Variants in SBF2 observed in about 807,000 individuals in gnomAD.
SBF2 encodes the protein SET binding factor 2.
In SBF2, 112 loss-of-function variants were observed where a neutral mutation model predicts 225.2. The ratio of observed to expected loss-of-function variants is 0.50; its 90% CI spans 0.43 to 0.58. SBF2 has a LOEUF of 0.58. SBF2 is among the 20% of genes least tolerant of loss of function. The probability of loss-of-function intolerance (pLI) is 0.00; values close to 1 mark genes in which losing one functional copy is unlikely to be tolerated. For missense variants in SBF2, 1,996 were observed against 2,206.2 expected, an observed-to-expected ratio of 0.90 and a Z score of 1.91; for synonymous variants, 763 against 773.3, an observed-to-expected ratio of 0.99 and a Z score of 0.22.
At chr11:10,266,727 TG>T (rs1962030093) in intron 1 of SBF2, among the ~76,000 whole-genome samples, 1 of 152,190 alleles carries the variant, frequency 6.6e-6, no homozygotes. Context: ...AATTTTAACA[TG>T]AGGGATATGG....
At chr11:10,125,535 T>C (rs1340012852) in intron 2 of SBF2, among the ~76,000 whole-genome samples, 4 of 152,220 alleles carry the variant, frequency 2.6e-5, no homozygotes. Context: ...TGTGTGTCTG[T>C]CTGTCATATC....
intron 6 of SBF2, among the ~76,000 whole-genome samples, chr11:10,015,613 G>A (rs1471303825): frequency 6.6e-6 from 1 of 152,196 alleles, no homozygotes; most frequent in South Asian, 2.1e-4. Flanking sequence ...GACCCTTGAG[G>A]TAGATTTTGA....
At chr11:10,057,804 T>C (rs976097883) in intron 2 of SBF2, among the ~76,000 whole-genome samples, 4 of 152,044 alleles carry the variant, frequency 2.6e-5, no homozygotes, top group African/African-American at 9.7e-5. Context: ...TGAGGAAACA[T>C]AGGGAAGCCA....
chr11:10,031,568 G>A (rs541440192), intron 3 of SBF2, among the ~76,000 whole-genome samples: 12 of 152,250 alleles, frequency 7.9e-5, no homozygotes, highest in African/African-American at 2.9e-4. Flanking sequence ...AAAAGAAGAT[G>A]TTTTGCAAAT....
At chr11:9,855,767 T>C (rs1334516775) in intron 19 of SBF2, among the ~76,000 whole-genome samples, 1 of 152,238 alleles carries the variant, frequency 6.6e-6, no homozygotes, top group Non-Finnish European at 1.5e-5. Context: ...TCAGGAGGGC[T>C]TCTTGAGGCA....
chr11:9,982,714 T>C (rs1215855198), intron 13 of SBF2, among the ~76,000 whole-genome samples: 1 of 152,074 alleles, frequency 6.6e-6, no homozygotes. Flanking sequence ...CGGAAGGAAG[T>C]GAACTGCTCC....
intron 1 of SBF2, among the ~76,000 whole-genome samples, chr11:10,235,363 C>T (rs759158872): frequency 5.9e-5 from 9 of 152,076 alleles, no homozygotes; most frequent in Non-Finnish European, 1.0e-4. Flanking sequence ...GGAGAAACCC[C>T]GTCTCTACTA....
intron 2 of SBF2, among the ~76,000 whole-genome samples, chr11:10,060,456 A>T (rs1950396846): frequency 6.6e-6 from 1 of 152,228 alleles, no homozygotes; most frequent in East Asian, 1.9e-4. Flanking sequence ...AGGTGTACAA[A>T]GAAGAGCTAG....
At chr11:9,897,243 AT>A (rs113103052) in intron 16 of SBF2, among the ~76,000 whole-genome samples, 37 of 148,734 alleles carry the variant, frequency 2.5e-4, no homozygotes, top group African/African-American at 7.1e-4. Context: ...ATGTTAGATA[AT>A]TTTTTTTTTT....
In SBF2 at chr11:10,234,028, A is replaced by G. The variant is rs1958964371; in HGVS notation, c.56-40041T>C. Among the ~76,000 whole-genome samples the G allele has an allele frequency of 2.0e-5, 3 of 152,330 alleles. No individual in the cohort carries two copies. The South Asian group carries it at 6.2e-4, about 32-fold the overall frequency. ...TCAGCATCTTCTTCCCAAAGGACCT[A>G]ACAGATATAATGATTTAATACTGAC... On this transcript the variant is annotated intron_variant, in intron 1 of 39. Transcript: ENST00000256190.
intron 26 of SBF2, among the ~76,000 whole-genome samples, chr11:9,833,927 C>A (rs183132890): frequency 7.9e-5 from 12 of 151,354 alleles, no homozygotes; most frequent in Admixed American, 1.3e-4. Flanking sequence ...TGTGCCACCA[C>A]GCCTGGCTAA....
At chr11:10,007,220 G>T (rs536060160) in intron 6 of SBF2, among the ~76,000 whole-genome samples, 82 of 152,136 alleles carry the variant, frequency 5.4e-4, no homozygotes, top group Non-Finnish European at 6.9e-4. Context: ...ACAAATAGGG[G>T]ATGCCCTATT....
intron 2 of SBF2, among the ~76,000 whole-genome samples, chr11:10,131,226 A>T (rs983586614): frequency 6.9e-4 from 99 of 144,336 alleles, no homozygotes; most frequent in Middle Eastern, 3.6e-3. Context: ...ATTGCCACTA[A>T]TTTTTTTTTT....
At chr11:10,234,462 A>C (rs1958982056) in intron 1 of SBF2, among the ~76,000 whole-genome samples, 1 of 152,122 alleles carries the variant, frequency 6.6e-6, no homozygotes, top group African/African-American at 2.4e-5. Context: ...AATTTTTTTA[A>C]TGTTAGCTTG....
intron 1 of SBF2, among the ~76,000 whole-genome samples, chr11:10,198,638 A>T (rs1010987876): frequency 6.6e-6 from 1 of 152,242 alleles, no homozygotes; most frequent in Non-Finnish European, 1.5e-5. Flanking sequence ...TCCAGCTATG[A>T]AAATCCTAGA....
chr11:9,893,251 C>A (rs967551114), intron 17 of SBF2, among the ~76,000 whole-genome samples: 1 of 152,150 alleles, frequency 6.6e-6, no homozygotes, highest in African/African-American at 2.4e-5. Flanking sequence ...ATTAACAAAT[C>A]TAATATGCAC....
chr11:10,124,163 T>A (rs1433598394), intron 2 of SBF2, among the ~76,000 whole-genome samples: 2 of 152,196 alleles, frequency 1.3e-5, no homozygotes, highest in Non-Finnish European at 2.9e-5. Context: ...ACAGTTTGTA[T>A]TTTTTTGGTT....
chr11:9,999,878 T>C (rs984127750), intron 8 of SBF2, among the ~76,000 whole-genome samples: 8 of 152,206 alleles, frequency 5.3e-5, no homozygotes, highest in African/African-American at 1.7e-4. Context: ...CTGATTTGGT[T>C]ACAACTATAA....
intron 2 of SBF2, among the ~76,000 whole-genome samples, chr11:10,081,725 A>G (rs1038260564): frequency 7.4e-5 from 11 of 148,052 alleles, no homozygotes; most frequent in Admixed American, 2.8e-4. Flanking sequence ...GCGCCACTGC[A>G]CTCCAGCCTG....
Sources: allele counts gnomAD v4.1 joint callset (sites outside exome capture counted in the v4.1 genomes callset), GRCh38; gene constraint gnomAD v4.1.1; transcripts MANE v1.5; gene names NCBI Gene and HGNC (gene_info 2026-07-23, HGNC 2026-07-21).